Variants in CLHC1 observed in about 807,000 individuals in gnomAD.
CLHC1 encodes the protein clathrin heavy chain linker domain-containing protein 1.
CLHC1 carries 72 observed loss-of-function variants against 69.5 expected under a neutral mutation model. The observed-to-expected ratio is 1.04, with a 90% CI of 0.86 to 1.26. The LOEUF (loss-of-function observed/expected upper bound fraction) is 1.26. Among genes scored for constraint, CLHC1 ranks in the 50% most tolerant of loss-of-function variants. The pLI is 0.00. For synonymous variants in CLHC1, 223 were observed against 224.3 expected, an observed-to-expected ratio of 0.99 and a Z score of 0.05; for missense variants, 790 against 679.3, an observed-to-expected ratio of 1.16 and a Z score of -1.81.
chr2:55,175,970 A>G lies in CLHC1; in HGVS notation c.1581T>C (p.Leu527=), dbSNP rs1455915608. 1.2e-6 allele frequency: 2 copies of G among 1,613,636 alleles called. No individual in the cohort carries two copies. The highest frequency in any genetic ancestry group is 2.7e-5 in the African/African-American group (2 of 74,932). ...NKGGIDAVES[L]MINDSFCSIE... The stretch of plus-strand genomic sequence containing the variant: ...TGGAGCAAAAGGAATCATTTATCAT[A>G]AGACTTTCTACTGCATCTGTGGGGA... The change falls in exon 13 of 13, where the codon CTT becomes CTC. Residue 527 remains leucine, a synonymous_variant. Transcript: ENST00000401408.
chr2:55,182,393 C>T (rs1036355251), intron 9 of CLHC1, among the ~76,000 whole-genome samples: 1 of 152,028 alleles, frequency 6.6e-6, no homozygotes, highest in Admixed American at 6.6e-5. Context: ...TATGTCAATC[C>T]CAAATCAGCA....
intron 9 of CLHC1, among the ~76,000 whole-genome samples, chr2:55,184,335 G>A (rs1670214419): frequency 1.3e-5 from 2 of 151,952 alleles, no homozygotes; most frequent in South Asian, 4.1e-4. Flanking sequence ...TGAACTTCTG[G>A]GCCAAGCAAT....
chr2:55,187,663 C>T (rs960234789), intron 9 of CLHC1, among the ~76,000 whole-genome samples: 1 of 150,966 alleles, frequency 6.6e-6, no homozygotes, highest in African/African-American at 2.4e-5. Context: ...TCATACTGAA[C>T]ACAAAAACAA....
chr2:55,184,473 A>G (rs1327722943), intron 9 of CLHC1, among the ~76,000 whole-genome samples: 2 of 152,206 alleles, frequency 1.3e-5, no homozygotes, highest in Non-Finnish European at 2.9e-5. Context: ...AAAGAACACA[A>G]TGCAAGTGTA....
intron 9 of CLHC1, 127 bp downstream of exon 9, chr2:55,206,143 T>C (rs969029316): frequency 3.3e-6 from 2 of 601,162 alleles, no homozygotes; most frequent in Admixed American, 6.2e-5. Context: ...CTAAGCAAAC[T>C]GAGTAAATGG....
At chr2:55,180,736 C>T in intron 10 of CLHC1, 24 bp from the exon 11 acceptor site, 1 of 1,599,028 alleles carries the variant, frequency 6.3e-7, no homozygotes, top group Non-Finnish European at 8.6e-7. Context: ...ATCAATAAGA[C>T]ATATGTTAGA....
chr2:55,184,130 G>A (rs1225436055), intron 9 of CLHC1, among the ~76,000 whole-genome samples: 1 of 132,276 alleles, frequency 7.6e-6, no homozygotes, highest in Non-Finnish European at 1.6e-5. Flanking sequence ...TTTCGAGACA[G>A]GGTCTCACTG....
In CLHC1 at chr2:55,175,564, G is replaced by A. The variant is rs1298190947; in HGVS notation, c.*226C>T. On this transcript the variant is annotated 3_prime_UTR_variant, in exon 13 of 13. Coordinates refer to ENST00000401408, the MANE Select transcript of CLHC1 (RefSeq NM_152385.4). ...CTGTTTCACACAAAGTTATAATCTT[G>A]GATTTTATCAAGATTCAATATAAGA... 1 of 500,178 alleles carries A rather than the reference G, an allele frequency of 2.0e-6. No homozygotes were observed. The highest frequency in any genetic ancestry group is 3.1e-5 in the East Asian group (1 of 31,826). 31.0% of individuals were successfully genotyped at this position (500,178 alleles called of 1,614,324 possible).
intron 2 of CLHC1, among the ~76,000 whole-genome samples, 153 bp from the exon 3 acceptor site, chr2:55,222,646 G>A (rs577449755): frequency 6.6e-6 from 1 of 152,108 alleles, no homozygotes; most frequent in Non-Finnish European, 1.5e-5. Context: ...GCTGCCAAGC[G>A]TGGTGGCTCA....
intron 4 of CLHC1, among the ~76,000 whole-genome samples, chr2:55,216,886 G>A (rs1178003932): frequency 6.6e-6 from 1 of 152,134 alleles, no homozygotes; most frequent in Non-Finnish European, 1.5e-5. Flanking sequence ...GGTGGCTCAT[G>A]CCTGTAATCC....
intron 9 of CLHC1, among the ~76,000 whole-genome samples, chr2:55,199,254 G>T (rs1445735717): frequency 8.0e-6 from 1 of 125,408 alleles, no homozygotes; most frequent in Non-Finnish European, 1.6e-5. Context: ...CTGAGATCAT[G>T]CCACTGCACT....
chr2:55,227,631 T>C (rs1042952589), intron 2 of CLHC1, among the ~76,000 whole-genome samples: 5 of 149,492 alleles, frequency 3.3e-5, no homozygotes, highest in East Asian at 2.0e-4. Flanking sequence ...TGAGCCGAGA[T>C]TGAGCCACTG....
At chr2:55,231,909 C>G (rs1200305980) in intron 1 of CLHC1, 1 of 152,188 alleles carries the variant, frequency 6.6e-6, no homozygotes, top group Admixed American at 6.5e-5. Flanking sequence ...ACACAAGACC[C>G]AGACTCTTCC....
In CLHC1 at chr2:55,177,654, G is replaced by T; in HGVS notation, c.1512C>A (p.Asp504Glu). 1 of 1,609,972 alleles carries T rather than the reference G, an allele frequency of 6.2e-7. No individual in the cohort carries two copies. The highest frequency in any genetic ancestry group is 1.3e-5 in the African/African-American group (1 of 74,886). Residue 504 changes from aspartate (D) to glutamate (E), a missense_variant, in exon 12 of 13, where the codon GAC (aspartate) becomes GAA (glutamate). By Grantham distance (45) the Asp-to-Glu change is conservative (BLOSUM62 2). Coordinates refer to ENST00000401408, the MANE Select transcript of CLHC1 (RefSeq NM_152385.4). ...GTAGCTTAATGCCAACTTTTTTCAT[G>T]TCTGCAGAGAACAGATGAAGTATAG... ...GLAILHLFSA[D>E]MKKVGIKLLQ...
rs749278174 is a variant in CLHC1, at chr2:55,175,787, G to C, written c.*3C>G. 1.2e-6 allele frequency: 2 copies of C among 1,612,084 alleles called. No individual in the cohort carries two copies. The highest frequency in any genetic ancestry group is 2.7e-5 in the African/African-American group (2 of 74,868). ...AGCTCCCTCAGCTGGTTAAGATATA[G>C]AACTACCAAAACACATGTTCCATTA... is the stretch of plus-strand genomic sequence containing the variant. On this transcript the variant is annotated 3_prime_UTR_variant, in exon 13 of 13. Coordinates refer to ENST00000401408, the MANE Select transcript of CLHC1 (RefSeq NM_152385.4).
At chr2:55,230,554 C>G (rs1675200592) in intron 1 of CLHC1, among the ~76,000 whole-genome samples, 1 of 151,890 alleles carries the variant, frequency 6.6e-6, no homozygotes. Context: ...ATGAGATAAC[C>G]AAGAAAATGC....
At chr2:55,203,020 A>T (rs1288522862) in intron 9 of CLHC1, among the ~76,000 whole-genome samples, 2 of 152,206 alleles carry the variant, frequency 1.3e-5, no homozygotes, top group African/African-American at 2.4e-5. Flanking sequence ...AAAGAAATTT[A>T]AAAAAGTAAT....
intron 9 of CLHC1, among the ~76,000 whole-genome samples, chr2:55,196,901 C>T (rs952912230): frequency 6.6e-6 from 1 of 152,134 alleles, no homozygotes; most frequent in Admixed American, 6.5e-5. Flanking sequence ...TATTGGGGTC[C>T]CCAATTCCAG....
At chr2:55,212,184 C>T (rs144783256) in intron 5 of CLHC1, among the ~76,000 whole-genome samples, 2 of 152,154 alleles carry the variant, frequency 1.3e-5, no homozygotes, top group Non-Finnish European at 2.9e-5. Flanking sequence ...GGCCAAGGCA[C>T]GAGAATCGCT....
Sources: allele counts gnomAD v4.1 joint callset (sites outside exome capture counted in the v4.1 genomes callset), GRCh38; gene constraint gnomAD v4.1.1; transcripts MANE v1.5; gene names NCBI Gene and HGNC (gene_info 2026-07-23, HGNC 2026-07-21).